TENM2: variants seen among roughly 807,000 people sequenced by gnomAD.
TENM2 encodes the protein teneurin transmembrane protein 2, also known as teneurin-2.
TENM2 carries 52 observed loss-of-function variants against 245.2 expected under a neutral mutation model. That is an observed-to-expected ratio of 0.21 (90% CI 0.17 to 0.27). The LOEUF (loss-of-function observed/expected upper bound fraction) is 0.27, where lower values mean the gene tolerates loss of function less well. Among genes scored for constraint, TENM2 ranks in the 10% least tolerant of loss-of-function variants. The probability of loss-of-function intolerance (pLI) is 1.00; values close to 1 mark genes in which losing one functional copy is unlikely to be tolerated. For missense variants in TENM2, 3,046 were observed against 3,666.8 expected (o/e 0.83, Z 4.37); for synonymous variants, 1,363 against 1,438.9 (o/e 0.95, Z 1.19).
rs1274008781 is a variant in TENM2, at chr5:168,167,384, C to T, written c.2569+4627C>T. 2.0e-5 allele frequency among the ~76,000 whole-genome samples: 3 copies of T among 152,096 alleles called. No homozygotes were observed. The East Asian group carries it at 5.8e-4, about 29-fold the overall frequency. On this transcript the variant is annotated intron_variant, in intron 13 of 28. Coordinates refer to ENST00000518659, the Ensembl canonical transcript of TENM2. The stretch of plus-strand genomic sequence containing the variant: ...TTACTTCTTCCCCACTCCCCTTTAT[C>T]ACCCTGAACTTAGAGTCAGGAGCCC...
chr5:167,640,435 T>A (rs1424462666), intron 2 of TENM2, among the ~76,000 whole-genome samples: 2 of 151,976 alleles, frequency 1.3e-5, no homozygotes, highest in African/African-American at 4.8e-5. Context: ...CTGGCCAACA[T>A]GGCAAAACCC....
At chr5:168,226,325 G>A (rs1764181528) in intron 24 of TENM2, 62 bp downstream of exon 26, 2 of 1,510,824 alleles carry the variant, frequency 1.3e-6, no homozygotes, top group African/African-American at 1.4e-5. Context: ...ACCCAGCCAA[G>A]CCCAACATGT....
At chr5:167,620,239 A>G (rs1467488346) in intron 2 of TENM2, among the ~76,000 whole-genome samples, 1 of 152,092 alleles carries the variant, frequency 6.6e-6, no homozygotes, top group Non-Finnish European at 1.5e-5. Context: ...ATCGGTGTAA[A>G]CCAAGAGGAC....
chr5:167,457,419 A>C (rs934952829), intron 2 of TENM2, among the ~76,000 whole-genome samples: 3 of 151,148 alleles, frequency 2.0e-5, no homozygotes, highest in African/African-American at 7.3e-5. Context: ...CGCAACCTCC[A>C]CCTCCCGGGT....
chr5:167,397,669 A>G (rs547142111), intron 2 of TENM2, among the ~76,000 whole-genome samples: 20 of 152,284 alleles, frequency 1.3e-4, no homozygotes, highest in African/African-American at 4.3e-4. Context: ...AGAAATATGT[A>G]TCTTATTCAT....
intron 1 of TENM2, among the ~76,000 whole-genome samples, chr5:167,340,676 A>T (rs1758043059): frequency 6.6e-6 from 1 of 152,250 alleles, no homozygotes; most frequent in Non-Finnish European, 1.5e-5. Context: ...GACACCATTC[A>T]GTCCATGATA....
At chr5:167,374,594 A>G (rs1047858291) in intron 1 of TENM2, among the ~76,000 whole-genome samples, 1 of 152,168 alleles carries the variant, frequency 6.6e-6, no homozygotes, top group African/African-American at 2.4e-5. Flanking sequence ...GAGACTTGTC[A>G]GTGGAAACTA....
intron 2 of TENM2, among the ~76,000 whole-genome samples, chr5:167,831,666 G>T (rs1768508481): frequency 6.6e-6 from 1 of 152,050 alleles, no homozygotes; most frequent in East Asian, 1.9e-4. Flanking sequence ...TAAGAACCTT[G>T]CGGACAGAAA....
intron 2 of TENM2, among the ~76,000 whole-genome samples, chr5:167,816,109 G>A (rs965295734): frequency 1.3e-5 from 2 of 151,912 alleles, no homozygotes; most frequent in African/African-American, 4.8e-5. Context: ...ACCTTCACTG[G>A]TGACTCAGTC....
the TENM2 span, among the ~76,000 whole-genome samples, chr5:167,145,995 A>G: frequency 6.6e-6 from 1 of 152,228 alleles, no homozygotes; most frequent in Non-Finnish European, 1.5e-5. Context: ...ACTCCCCGTG[A>G]CAGATGGGAG....
chr5:168,060,480 G>A (rs1789945677), intron 6 of TENM2, among the ~76,000 whole-genome samples: 2 of 152,138 alleles, frequency 1.3e-5, no homozygotes, highest in Non-Finnish European at 2.9e-5. Context: ...GTCCCCATCT[G>A]AAGGTCTGAA....
chr5:167,964,066 C>T (rs1781210083), intron 4 of TENM2, among the ~76,000 whole-genome samples: 1 of 152,128 alleles, frequency 6.6e-6, no homozygotes, highest in South Asian at 2.1e-4. Context: ...ATCCCTCTAC[C>T]CTCCACCTTC....
intron 6 of TENM2, among the ~76,000 whole-genome samples, chr5:168,059,556 C>T (rs996505656): frequency 6.6e-6 from 1 of 152,176 alleles, no homozygotes; most frequent in African/African-American, 2.4e-5. Context: ...ACACACTCTT[C>T]TTCCCCAGGC....
At chr5:167,938,919 G>C (rs766408829) in intron 3 of TENM2, among the ~76,000 whole-genome samples, 2 of 148,278 alleles carry the variant, frequency 1.3e-5, no homozygotes, top group African/African-American at 5.0e-5. Context: ...CTCCAGCCTG[G>C]ATGACAGAGC....
At chr5:167,382,812 A>C (rs1393722464) in intron 2 of TENM2, among the ~76,000 whole-genome samples, 3 of 152,194 alleles carry the variant, frequency 2.0e-5, no homozygotes, top group Non-Finnish European at 2.9e-5. Flanking sequence ...TTTATGCAAG[A>C]AATAGACTAT....
chr5:167,741,786 C>T (rs1162957018), intron 2 of TENM2, among the ~76,000 whole-genome samples: 1 of 152,158 alleles, frequency 6.6e-6, no homozygotes, highest in Non-Finnish European at 1.5e-5. Context: ...CATCTTCAGC[C>T]CCTCATTCCC....
intron 2 of TENM2, among the ~76,000 whole-genome samples, chr5:167,466,860 G>A (rs1415203388): frequency 1.3e-5 from 2 of 152,084 alleles, no homozygotes; most frequent in African/African-American, 4.8e-5. Flanking sequence ...TACTAATACT[G>A]TGTATAAGGA....
At chr5:167,538,354 T>C (rs1347230986) in intron 2 of TENM2, among the ~76,000 whole-genome samples, 1 of 152,246 alleles carries the variant, frequency 6.6e-6, no homozygotes, top group Non-Finnish European at 1.5e-5. Context: ...ACAGTTTAAA[T>C]AGGCTCATCT....
At chr5:167,451,190 G>A (rs1326352000) in intron 2 of TENM2, among the ~76,000 whole-genome samples, 2 of 152,058 alleles carry the variant, frequency 1.3e-5, no homozygotes, top group Non-Finnish European at 2.9e-5. Context: ...TTGGTGTGCC[G>A]TTTCTCATAT....
Sources: allele counts gnomAD v4.1 joint callset (sites outside exome capture counted in the v4.1 genomes callset), GRCh38; gene constraint gnomAD v4.1.1; transcripts MANE v1.5; gene names NCBI Gene and HGNC (gene_info 2026-07-23, HGNC 2026-07-21).